NINL: variants seen among roughly 807,000 people sequenced by gnomAD.
NINL encodes the protein ninein like, also known as ninein-like protein.
In NINL, 153 loss-of-function variants were observed where a neutral mutation model predicts 160.3. The observed-to-expected ratio is 0.95, with a 90% CI of 0.84 to 1.09. NINL has a LOEUF of 1.09. NINL is among the 50% of genes least tolerant of loss of function. The pLI, the probability that NINL is intolerant of heterozygous loss-of-function variation, is 0.00. For missense variants in NINL, 1,829 were observed against 1,764.0 expected (o/e 1.04, Z -0.66); for synonymous variants, 800 against 734.8 (o/e 1.09, Z -1.43).
At chr20:25,572,040 A>G (rs1295360696) in intron 1 of NINL, among the ~76,000 whole-genome samples, 9 of 152,164 alleles carry the variant, frequency 5.9e-5, no homozygotes, top group African/African-American at 9.7e-5. Flanking sequence ...AAGAGAACTC[A>G]GCAGAAGCCT....
At chr20:25,455,997 G>A (rs6138573) in intron 22 of NINL, among the ~76,000 whole-genome samples, 23,960 of 152,000 alleles carry the variant, frequency 0.16, 2,162 homozygotes, top group East Asian at 0.35. Flanking sequence ...TTGGGAGGCT[G>A]AGGCAGGAGA....
At chr20:25,475,870 CG>C (rs2063218886) in intron 17 of NINL, among the ~76,000 whole-genome samples, 172 bp downstream of exon 17, 1 of 152,150 alleles carries the variant, frequency 6.6e-6, no homozygotes, top group Non-Finnish European at 1.5e-5. Flanking sequence ...CATTCCGGGA[CG>C]GGGCTGGGCT....
intron 9 of NINL, 100 bp downstream of exon 9, chr20:25,498,110 T>A: frequency 1.4e-6 from 2 of 1,400,296 alleles, no homozygotes; most frequent in Non-Finnish European, 2.0e-6. Context: ...CCATGTGGGG[T>A]GGATAAGAGC....
chr20:25,506,846 C>T (rs2063971897), intron 5 of NINL, among the ~76,000 whole-genome samples: 2 of 152,172 alleles, frequency 1.3e-5, no homozygotes, highest in Admixed American at 6.5e-5. Flanking sequence ...TCTGAAATCG[C>T]AGATCTCATG....
chr20:25,574,088 G>C (rs2065087107), intron 1 of NINL, among the ~76,000 whole-genome samples: 1 of 152,210 alleles, frequency 6.6e-6, no homozygotes, highest in Non-Finnish European at 1.5e-5. Flanking sequence ...TGCGCTCAGA[G>C]CTGTTTGCCT....
At chr20:25,561,051 TC>T (rs2064929230) in intron 1 of NINL, among the ~76,000 whole-genome samples, 1 of 3,720 alleles carries the variant, frequency 2.7e-4, no homozygotes, top group Non-Finnish European at 9.4e-4. Flanking sequence ...TCCCTCTCCC[TC>T]TCTCTCTCTT....
At chr20:25,525,425 G>A (rs2064339703) in intron 2 of NINL, among the ~76,000 whole-genome samples, 1 of 152,214 alleles carries the variant, frequency 6.6e-6, no homozygotes, top group African/African-American at 2.4e-5. Flanking sequence ...GCCAAGGCAC[G>A]TGGATTGCTA....
In NINL at chr20:25,462,821, G is replaced by C. The variant is rs2062825295; in HGVS notation, c.3424-280C>G. 3.0e-5 allele frequency: 9 copies of C among 298,870 alleles called. No homozygotes were observed. The South Asian group carries it at 3.4e-4, about 11-fold the overall frequency. 18.5% of individuals were successfully genotyped at this position (298,870 alleles called of 1,614,324 possible). On this transcript the variant is annotated intron_variant, in intron 19 of 23. Coordinates refer to ENST00000278886, the MANE Select transcript of NINL (RefSeq NM_025176.6). ...AGGCACACGTCACCACTCCCACCTAGTTTTGTTTTTTGGTCGAGACAGGGT... is the reference window on the plus strand; with the variant it reads ...AGGCACACGTCACCACTCCCACCTACTTTTGTTTTTTGGTCGAGACAGGGT...
chr20:25,564,556 G>A (rs377420154), intron 1 of NINL, among the ~76,000 whole-genome samples: 3 of 152,220 alleles, frequency 2.0e-5, no homozygotes, highest in African/African-American at 7.2e-5. Context: ...GACTTCAGGT[G>A]ATCTTTCTGC....
chr20:25,476,425 G>C lies in NINL; in HGVS notation c.2866C>G (p.Arg956Gly), dbSNP rs746457385. The C allele has an allele frequency of 1.2e-6, 2 of 1,609,634 alleles. No individual in the cohort carries two copies. Among genetic ancestry groups the C allele is most frequent in the Non-Finnish European group, 1.7e-6 (2 of 1,179,860 alleles). Residue 956 changes from arginine to glycine, a missense_variant, in exon 17 of 24, where the codon CGG becomes GGG. Coordinates refer to ENST00000278886, the MANE Select transcript of NINL (RefSeq NM_025176.6). ...TERDASQTQP[R>G]MWEPPLRPAA... Reference sequence around the variant, plus strand: ...GGCCTCAGGGGTGGCTCCCACATCCGTGGCTGGGTTTGCGAGGCGTCTCTC... The same window carrying C: ...GGCCTCAGGGGTGGCTCCCACATCCCTGGCTGGGTTTGCGAGGCGTCTCTC...
chr20:25,575,428 C>T (rs1221246005), intron 1 of NINL, among the ~76,000 whole-genome samples: 2 of 118,978 alleles, frequency 1.7e-5, no homozygotes, highest in African/African-American at 3.3e-5. Context: ...GCCTGGGCAA[C>T]AGAGCGAGAC....
In NINL at chr20:25,498,207, T is replaced by C. The variant is rs767694493; in HGVS notation, c.1169+3A>G. 3 of 1,612,444 alleles carry C rather than the reference T, an allele frequency of 1.9e-6. No homozygotes were observed. The highest frequency in any genetic ancestry group is 8.5e-7 in the Non-Finnish European group (1 of 1,179,998). On this transcript the variant is annotated splice_donor_region_variant and intron_variant, in intron 9 of 23. Transcript: ENST00000278886. ...CGTTCCCCAGTCCCCTGTGGCCTCT[T>C]ACTGCTGGTAGCTCAGCTCCTGGTG...
Position 25,461,638 on chromosome 20 carries a change from G to GT in NINL, c.3583-4dup, listed in dbSNP as rs753628393. 20 of 1,595,642 alleles carry GT rather than the reference G, an allele frequency of 1.3e-5. No homozygotes were observed. In the African/African-American group the frequency reaches 2.7e-4, roughly 21 times the overall value. On this transcript the variant is annotated splice_polypyrimidine_tract_variant and splice_region_variant and intron_variant, in intron 20 of 23. Transcript: ENST00000278886. Reference sequence around the variant, plus strand: ...CTAAGTTTTTGGATTTGGTCACTCTGTTTTTAAAAAATCAATTGCACAAGT... The same window carrying GT: ...CTAAGTTTTTGGATTTGGTCACTCTGTTTTTTAAAAAATCAATTGCACAAGT...
chr20:25,506,171 G>GA (rs2063958620), intron 5 of NINL, among the ~76,000 whole-genome samples: 1 of 152,168 alleles, frequency 6.6e-6, no homozygotes, highest in South Asian at 2.1e-4. Context: ...CTGAGGCAGA[G>GA]AACTGCATGG....
chr20:25,476,997 G>A lies in NINL; in HGVS notation c.2294C>T (p.Pro765Leu), dbSNP rs1236451377. The A allele has an allele frequency of 8.1e-6, 13 of 1,602,516 alleles. No homozygotes were observed. Among genetic ancestry groups the A allele is most frequent in the Admixed American group, 1.7e-5 (1 of 59,954 alleles). Reference protein sequence around the residue: ...RDLTLELEEPPQGPLPRGSQR... With the variant: ...RDLTLELEEPLQGPLPRGSQR... ...GCTCCCGCGTGGCAGGGGTCCCTGC[G>A]GCGGCTCCTCCAGCTCCAAGGTCAG... is the stretch of plus-strand genomic sequence containing the variant. The change falls in exon 17 of 24, where the codon CCG (proline) becomes CTG (leucine). Residue 765 changes from proline (P) to leucine (L), a missense_variant. By Grantham distance (98) the Pro-to-Leu change is moderately conservative (BLOSUM62 -3). Transcript: ENST00000278886.
At chr20:25,468,313 C>G (rs2062969319) in intron 18 of NINL, among the ~76,000 whole-genome samples, 1 of 150,924 alleles carries the variant, frequency 6.6e-6, no homozygotes, top group Admixed American at 6.6e-5. Context: ...TGATGGGTGG[C>G]CCCCCGTCTG....
intron 1 of NINL, among the ~76,000 whole-genome samples, chr20:25,570,883 T>C (rs2065047639): frequency 6.6e-6 from 1 of 151,768 alleles, no homozygotes; most frequent in Non-Finnish European, 1.5e-5. Flanking sequence ...TTGTATTTTT[T>C]GTAAAGACGG....
intron 6 of NINL, 95 bp downstream of exon 6, chr20:25,504,793 A>G: frequency 7.8e-7 from 1 of 1,280,930 alleles, no homozygotes; most frequent in Non-Finnish European, 1.1e-6. Context: ...ATGCACCTAC[A>G]TGAGTGGCTG....
chr20:25,542,145 G>A (rs1236209789), intron 1 of NINL, among the ~76,000 whole-genome samples: 1 of 152,212 alleles, frequency 6.6e-6, no homozygotes, highest in African/African-American at 2.4e-5. Context: ...TGGGCTCAGG[G>A]TTTTGGTTGG....
Sources: allele counts gnomAD v4.1 joint callset (sites outside exome capture counted in the v4.1 genomes callset), GRCh38; gene constraint gnomAD v4.1.1; transcripts MANE v1.5; gene names NCBI Gene and HGNC (gene_info 2026-07-23, HGNC 2026-07-21).